The following MB21D2 variants were observed in gnomAD, a reference collection of about 807,000 sequenced individuals.
MB21D2 encodes Mab-21 domain containing 2, also known as nucleotidyltransferase MB21D2.
A neutral mutation model predicts 33.3 loss-of-function variants in MB21D2; 9 were observed. That is an observed-to-expected ratio of 0.27 (90% CI 0.16 to 0.47). The LOEUF (loss-of-function observed/expected upper bound fraction) is 0.47. Ranked by LOEUF, MB21D2 falls within the 20% of genes least tolerant of loss-of-function variation. The pLI, the probability that MB21D2 is intolerant of heterozygous loss-of-function variation, is 0.99. For missense variants in MB21D2, 540 were observed against 624.6 expected (o/e 0.86, Z 1.44); for synonymous variants, 241 against 236.3 (o/e 1.02, Z -0.18).
chr3:192,862,302 G>A (rs142320475), intron 1 of MB21D2, among the ~76,000 whole-genome samples: 1 of 152,160 alleles, frequency 6.6e-6, no homozygotes, highest in East Asian at 1.9e-4. Context: ...GAGGCCAGGA[G>A]CACCATCTTA....
At chr3:192,899,484 A>C (rs1196062256) in intron 1 of MB21D2, among the ~76,000 whole-genome samples, 3 of 152,132 alleles carry the variant, frequency 2.0e-5, no homozygotes, top group African/African-American at 7.2e-5. Flanking sequence ...AACCGAGATC[A>C]CGCCACTGCA....
At chr3:192,865,942 A>AGCTGAGGCGGGAGGATT in intron 1 of MB21D2, among the ~76,000 whole-genome samples, 1 of 152,000 alleles carries the variant, frequency 6.6e-6, no homozygotes, top group Non-Finnish European at 1.5e-5. Context: ...CCACTCTGGA[A>AGCTGAGGCGGGAGGATT]GCTGAGGCGG....
At position 192,796,870 on chromosome 3, in the gene MB21D2, GA is replaced by G. The variant is rs537375038; in HGVS notation, c.*1515del. The G allele has an allele frequency of 2.0e-3, 307 of 152,592 alleles. 2 individuals are homozygous for G. In the South Asian group the frequency reaches 0.023, roughly 11 times the overall value. 9.5% of individuals were successfully genotyped at this position (152,592 alleles called of 1,614,324 possible). ...ATTTTTGTGTTTGACTTAGATGGTT[GA>G]AATGTTTTCATTTTTCATTTATAAG... On this transcript the variant is annotated 3_prime_UTR_variant, in exon 2 of 2. Transcript: ENST00000392452.
chr3:192,886,509 GAAT>G (rs1361768611), intron 1 of MB21D2, among the ~76,000 whole-genome samples: 1 of 152,004 alleles, frequency 6.6e-6, no homozygotes, highest in Non-Finnish European at 1.5e-5. Context: ...TCGGGCTTTT[GAAT>G]AATAATTTAA....
chr3:192,821,005 C>G lies in MB21D2; in HGVS notation c.212-21355G>C, dbSNP rs775451315. On this transcript the variant is annotated intron_variant, in intron 1 of 1. Coordinates refer to ENST00000392452, the MANE Select transcript of MB21D2 (RefSeq NM_178496.4). ...CTAGTCCCGAACTCCTGGCCTCAAG[C>G]CATCCTTCACACCCATCCCTCACAA... Among the ~76,000 whole-genome samples the G allele has an allele frequency of 5.3e-5, 8 of 152,090 alleles. No homozygotes were observed. In the East Asian group the frequency reaches 1.5e-3, roughly 29 times the overall value.
chr3:192,802,465 A>G (rs548062588), intron 1 of MB21D2, among the ~76,000 whole-genome samples: 1 of 152,246 alleles, frequency 6.6e-6, no homozygotes, highest in South Asian at 2.1e-4. Flanking sequence ...CCCAAACAAA[A>G]ACCGTCTTCA....
intron 1 of MB21D2, among the ~76,000 whole-genome samples, chr3:192,835,940 A>G (rs866931601): frequency 5.9e-5 from 9 of 152,114 alleles, no homozygotes; most frequent in African/African-American, 2.2e-4. Flanking sequence ...GTGAAGCACC[A>G]TCATATCCTC....
At chr3:192,895,697 A>G (rs1320929001) in intron 1 of MB21D2, among the ~76,000 whole-genome samples, 1 of 151,366 alleles carries the variant, frequency 6.6e-6, no homozygotes, top group Non-Finnish European at 1.5e-5. Flanking sequence ...TAGAAACTTC[A>G]TTCTACCTAC....
chr3:192,902,897 C>T (rs1383166336), intron 1 of MB21D2, among the ~76,000 whole-genome samples: 3 of 152,316 alleles, frequency 2.0e-5, no homozygotes, highest in African/African-American at 7.2e-5. Context: ...ATTCATCATG[C>T]TATTCAAAGC....
intron 1 of MB21D2, among the ~76,000 whole-genome samples, chr3:192,872,303 G>A (rs1000601327): frequency 3.4e-4 from 52 of 152,232 alleles, no homozygotes; most frequent in African/African-American, 1.1e-3. Context: ...CTGGCCGGGC[G>A]CGGGGGCTCA....
At chr3:192,843,458 T>A (rs1712615505) in intron 1 of MB21D2, among the ~76,000 whole-genome samples, 1 of 152,132 alleles carries the variant, frequency 6.6e-6, no homozygotes, top group South Asian at 2.1e-4. Context: ...CCTGCTAACA[T>A]CATACTGTGC....
At chr3:192,860,645 G>A (rs1198882042) in intron 1 of MB21D2, among the ~76,000 whole-genome samples, 1 of 152,170 alleles carries the variant, frequency 6.6e-6, no homozygotes. Context: ...TCTGCACATG[G>A]TGCCAGCCCG....
Position 192,847,409 on chromosome 3 carries a change from G to T in MB21D2, c.212-47759C>A, listed in dbSNP as rs376543043. Among the ~76,000 whole-genome samples the T allele has an allele frequency of 1.0e-3, 155 of 152,250 alleles. 1 individual carries two copies. The highest frequency in any genetic ancestry group is 7.3e-3 in the South Asian group (35 of 4,820). On this transcript the variant is annotated intron_variant, in intron 1 of 1. Transcript: ENST00000392452. ...GGGCTCTTCAGCAGGTTGAAACGGG[G>T]TCCTTACTTGAGCTGTGCCACGAAC...
intron 1 of MB21D2, among the ~76,000 whole-genome samples, chr3:192,886,928 T>C (rs2108645311): frequency 6.6e-6 from 1 of 152,068 alleles, no homozygotes; most frequent in East Asian, 1.9e-4. Flanking sequence ...TTTTCTGAAA[T>C]TAGAAGACTG....
chr3:192,888,643 G>A lies in MB21D2; in HGVS notation c.211+28987C>T, dbSNP rs537613286. Reference sequence around the variant, plus strand: ...AGGGATTATCACTGACAATTCTTAAGCTCTTACCATATGATCATACAGCTC... The same window carrying A: ...AGGGATTATCACTGACAATTCTTAAACTCTTACCATATGATCATACAGCTC... On this transcript the variant is annotated intron_variant, in intron 1 of 1. Transcript: ENST00000392452. Among the ~76,000 whole-genome samples the A allele has an allele frequency of 2.6e-5, 4 of 152,164 alleles. No individual in the cohort carries two copies. The South Asian group carries it at 8.3e-4, about 32-fold the overall frequency.
rs75396120 is a variant in MB21D2, at chr3:192,915,972, C to A, written c.211+1658G>T. Among the ~76,000 whole-genome samples the A allele has an allele frequency of 9.1e-3, 1,380 of 152,206 alleles. 25 individuals are homozygous for A. The highest frequency in any genetic ancestry group is 0.032 in the African/African-American group (1,310 of 41,512). The stretch of plus-strand genomic sequence containing the variant: ...TGCCACAGAGAAAGGCTATGATTAA[C>A]TAAACAACTTAAGTAACTGCGCTCA... On this transcript the variant is annotated intron_variant, in intron 1 of 1. Coordinates refer to ENST00000392452, the MANE Select transcript of MB21D2 (RefSeq NM_178496.4).
At chr3:192,894,817 C>T (rs73201164) in intron 1 of MB21D2, among the ~76,000 whole-genome samples, 142 of 152,284 alleles carry the variant, frequency 9.3e-4, no homozygotes, top group Non-Finnish European at 1.6e-3. Context: ...GTGCCAATTT[C>T]ACCAGGCAGC....
At chr3:192,880,189 A>C (rs970482204) in intron 1 of MB21D2, among the ~76,000 whole-genome samples, 1 of 147,504 alleles carries the variant, frequency 6.8e-6, no homozygotes, top group African/African-American at 2.6e-5. Flanking sequence ...CTAAAAATAC[A>C]AAAAAAAATT....
chr3:192,816,876 A>T (rs1306230188), intron 1 of MB21D2, among the ~76,000 whole-genome samples: 2 of 42,466 alleles, frequency 4.7e-5, no homozygotes, highest in African/African-American at 6.8e-5. Flanking sequence ...TTTCCCCATT[A>T]AAAAAAAAAT....
Sources: allele counts gnomAD v4.1 joint callset (sites outside exome capture counted in the v4.1 genomes callset), GRCh38; gene constraint gnomAD v4.1.1; transcripts MANE v1.5; gene names NCBI Gene and HGNC (gene_info 2026-07-23, HGNC 2026-07-21).